VAX2: variants seen among roughly 807,000 people sequenced by gnomAD.
VAX2 encodes the protein ventral anterior homeobox 2.
VAX2 carries 8 observed loss-of-function variants against 12.5 expected under a neutral mutation model. The observed-to-expected ratio is 0.64, with a 90% CI of 0.37 to 1.15. The LOEUF (loss-of-function observed/expected upper bound fraction) is 1.15, where lower values mean the gene tolerates loss of function less well. Ranked by LOEUF, VAX2 falls within the 50% of genes most tolerant of loss-of-function variation. The pLI is 0.01. For missense variants in VAX2, 476 were observed against 412.9 expected, an observed-to-expected ratio of 1.15 and a Z score of -1.32; for synonymous variants, 183 against 187.6, an observed-to-expected ratio of 0.98 and a Z score of 0.20.
chr2:70,900,915 C>T (rs902036529), intron 1 of VAX2, 47 bp downstream of exon 1: 64 of 1,291,788 alleles, frequency 5.0e-5, no homozygotes, highest in Admixed American at 1.2e-4. Flanking sequence ...CTCACCCTAC[C>T]CATACTGGGG....
In VAX2 at chr2:70,914,714, CAT is replaced by C. The variant is rs1190103263; in HGVS notation, c.248-6381_248-6380del. ...TACTATAAAGCTATGCTTATCCTTT[CAT>C]ATGTTTATTGGCCATTTAGCTGTCT... On this transcript the variant is annotated intron_variant, in intron 1 of 2. Transcript: ENST00000234392. 9.9e-5 allele frequency among the ~76,000 whole-genome samples: 15 copies of C among 152,116 alleles called. No homozygotes were observed. The East Asian group carries it at 1.9e-3, about 20-fold the overall frequency.
chr2:70,900,773 C>A lies in VAX2; in HGVS notation c.152C>A (p.Ala51Asp). The A allele has an allele frequency of 1.3e-6, 2 of 1,496,464 alleles. No homozygotes were observed. The highest frequency in any genetic ancestry group is 2.2e-5 in the Admixed American group (1 of 46,186). 92.7% of individuals were successfully genotyped at this position (1,496,464 alleles called of 1,614,324 possible). The change falls in exon 1 of 3, where the codon GCC becomes GAC. Residue 51 changes from alanine (A) to aspartate (D), a missense_variant. Physicochemically the swap from Ala to Asp is moderately radical, Grantham distance 126. Transcript: ENST00000234392. Reference sequence around the variant, plus strand: ...CCAACGGAGGTGGCCGGGACCTCAGCCTCCAGTCCCGCAGGCTCCAGGGAG... The same window carrying A: ...CCAACGGAGGTGGCCGGGACCTCAGACTCCAGTCCCGCAGGCTCCAGGGAG... ...HSPTEVAGTS[A>D]SSPAGSRESG...
At chr2:70,901,692 C>A (rs1553409803) in intron 1 of VAX2, among the ~76,000 whole-genome samples, 1 of 152,256 alleles carries the variant, frequency 6.6e-6, no homozygotes, top group Non-Finnish European at 1.5e-5. Flanking sequence ...AGGTCCCCAG[C>A]GCCAGCCTTT....
At chr2:70,903,415 C>T (rs1228583464) in intron 1 of VAX2, among the ~76,000 whole-genome samples, 13 of 152,180 alleles carry the variant, frequency 8.5e-5, no homozygotes, top group African/African-American at 2.7e-4. Context: ...CACCTAAGGG[C>T]ATACCACAGG....
rs1038401578 is a variant in VAX2, at chr2:70,908,352, A to G, written c.247+7484A>G. Among the ~76,000 whole-genome samples, 5 of 152,138 alleles carry G rather than the reference A, an allele frequency of 3.3e-5. No homozygotes were observed. The East Asian group carries it at 9.6e-4, about 29-fold the overall frequency. ...AAAAACCTCTCCCATCCCTGTCCCC[A>G]TCACCCACTTCCCACCTGGTTCAAG... On this transcript the variant is annotated intron_variant, in intron 1 of 2. Coordinates refer to ENST00000234392, the MANE Select transcript of VAX2 (RefSeq NM_012476.3).
Position 70,900,824 on chromosome 2 carries a change from C to A in VAX2, c.203C>A (p.Pro68His). Residue 68 changes from proline to histidine, a missense_variant, in exon 1 of 3, where the codon CCC becomes CAC. Physicochemically the swap from Pro to His is moderately conservative, Grantham distance 77. Coordinates refer to ENST00000234392, the MANE Select transcript of VAX2 (RefSeq NM_012476.3). ...RESGADSDGQ[P>H]GPGEADHCRR... ...AGTGGAGCCGACAGCGACGGGCAGC[C>A]CGGGCCCGGCGAGGCAGACCACTGC... 6.8e-7 allele frequency: 1 copy of A among 1,479,970 alleles called. No individual in the cohort carries two copies. Among genetic ancestry groups the A allele is most frequent in the Non-Finnish European group, 9.0e-7 (1 of 1,115,930 alleles). 91.7% of individuals were successfully genotyped at this position (1,479,970 alleles called of 1,614,324 possible).
intron 2 of VAX2, among the ~76,000 whole-genome samples, chr2:70,926,271 C>T (rs1422191658): frequency 3.3e-5 from 5 of 152,168 alleles, no homozygotes; most frequent in Non-Finnish European, 7.3e-5. Flanking sequence ...CTTGCCCAGA[C>T]TCCATGGCTG....
At chr2:70,901,014 C>T (rs1678911510) in intron 1 of VAX2, 146 bp downstream of exon 1, 4 of 962,844 alleles carry the variant, frequency 4.2e-6, no homozygotes, top group Admixed American at 4.2e-5. Flanking sequence ...TTATTTTGAG[C>T]GTCTATTGTG....
intron 1 of VAX2, among the ~76,000 whole-genome samples, chr2:70,914,775 C>T (rs1310626827): frequency 1.3e-5 from 2 of 151,252 alleles, no homozygotes; most frequent in African/African-American, 2.4e-5. Context: ...ATTACTTGAC[C>T]ATTTATTTTA....
At chr2:70,923,829 T>C (rs1679512892) in intron 2 of VAX2, among the ~76,000 whole-genome samples, 1 of 152,122 alleles carries the variant, frequency 6.6e-6, no homozygotes, top group African/African-American at 2.4e-5. Context: ...CTGGTCTCCT[T>C]GTTCAAGACT....
At chr2:70,907,478 C>A (rs1224912159) in intron 1 of VAX2, among the ~76,000 whole-genome samples, 1 of 152,256 alleles carries the variant, frequency 6.6e-6, no homozygotes, top group South Asian at 2.1e-4. Context: ...CTGCAGCCCA[C>A]GGCTGGAGCC....
chr2:70,910,308 A>T (rs1405389408), intron 1 of VAX2, among the ~76,000 whole-genome samples: 2 of 152,158 alleles, frequency 1.3e-5, no homozygotes, highest in Non-Finnish European at 2.9e-5. Flanking sequence ...GTCATAATAA[A>T]CTGTTTAAAG....
In VAX2 at chr2:70,922,632, AGAGGAGGGGCAGGCCGG is replaced by A. The variant is rs536662078; in HGVS notation, c.435+1374_435+1390del. Among the ~76,000 whole-genome samples the A allele has an allele frequency of 1.8e-3, 274 of 149,680 alleles. 2 individuals carry two copies. The highest frequency in any genetic ancestry group is 6.9e-3 in the Middle Eastern group (2 of 290). On this transcript the variant is annotated intron_variant, in intron 2 of 2. Transcript: ENST00000234392. ...GAAGAGGTGAGAAGGGGTGAGAGGCAGAGGAGGGGCAGGCCGGGAGGAGGGGCAGGCCGGGAGGAGGG... is the reference window on the plus strand; with the variant it reads ...GAAGAGGTGAGAAGGGGTGAGAGGCAGAGGAGGGGCAGGCCGGGAGGAGGG...
Position 70,903,355 on chromosome 2 carries a change from G to A in VAX2, c.247+2487G>A, listed in dbSNP as rs141972056. On this transcript the variant is annotated intron_variant, in intron 1 of 2. Coordinates refer to ENST00000234392, the MANE Select transcript of VAX2 (RefSeq NM_012476.3). ...CCAGGACCTGTCCTTTCTTGGGGAG[G>A]CCTCACCCCTTCTGGGTCCTTTCTG... 2.4e-3 allele frequency among the ~76,000 whole-genome samples: 358 copies of A among 152,268 alleles called. 2 individuals carry two copies. The highest frequency in any genetic ancestry group is 8.3e-3 in the African/African-American group (344 of 41,556).
chr2:70,912,078 C>A (rs1679198330), intron 1 of VAX2, among the ~76,000 whole-genome samples: 1 of 152,150 alleles, frequency 6.6e-6, no homozygotes, highest in Admixed American at 6.5e-5. Flanking sequence ...TGTCTTTCCT[C>A]CAACTAATTC....
rs1380098697 is a variant in VAX2 at position 70,933,218 on chromosome 2, T to C, written c.*14T>C. 5 of 1,502,548 alleles carry C rather than the reference T, an allele frequency of 3.3e-6. No individual in the cohort carries two copies. The South Asian group carries it at 5.5e-5, about 17-fold the overall frequency. 93.1% of individuals were successfully genotyped at this position (1,502,548 alleles called of 1,614,324 possible). On this transcript the variant is annotated 3_prime_UTR_variant, in exon 3 of 3. Coordinates refer to ENST00000234392, the MANE Select transcript of VAX2 (RefSeq NM_012476.3). The stretch of plus-strand genomic sequence containing the variant: ...GCTAACACTTAAGACTCCCACCCTG[T>C]GACACTGAGTCCCGAGCACAGCACC...
At chr2:70,927,366 G>A (rs560871545) in intron 2 of VAX2, among the ~76,000 whole-genome samples, 53 of 151,760 alleles carry the variant, frequency 3.5e-4, no homozygotes, top group South Asian at 1.7e-3. Context: ...ATATCCCCCC[G>A]GGATGCCCAC....
At chr2:70,920,165 G>A (rs1329609151) in intron 1 of VAX2, among the ~76,000 whole-genome samples, 2 of 152,164 alleles carry the variant, frequency 1.3e-5, no homozygotes, top group Non-Finnish European at 2.9e-5. Flanking sequence ...ATCATTTGTA[G>A]GGAGTGATTT....
chr2:70,924,477 T>A (rs1230137272), intron 2 of VAX2: 2 of 152,186 alleles, frequency 1.3e-5, no homozygotes, highest in Non-Finnish European at 2.9e-5. Context: ...ATTATAGGTG[T>A]GAGCCACCAT....
Sources: allele counts gnomAD v4.1 joint callset (sites outside exome capture counted in the v4.1 genomes callset), GRCh38; gene constraint gnomAD v4.1.1; transcripts MANE v1.5; gene names NCBI Gene and HGNC (gene_info 2026-07-23, HGNC 2026-07-21).